Variants in MDGA2 observed in about 807,000 individuals in gnomAD.
The protein encoded by MDGA2 is MAM domain containing glycosylphosphatidylinositol anchor 2, also known as MAM domain-containing glycosylphosphatidylinositol anchor protein 2.
In MDGA2, 40 loss-of-function variants were observed where a neutral mutation model predicts 117.8. The observed-to-expected ratio is 0.34, with a 90% CI of 0.26 to 0.44. The LOEUF (loss-of-function observed/expected upper bound fraction) is 0.44, where lower values mean the gene tolerates loss of function less well. Ranked by LOEUF, MDGA2 falls within the 20% of genes least tolerant of loss-of-function variation. The pLI, the probability that MDGA2 is intolerant of heterozygous loss-of-function variation, is 1.00. For missense variants in MDGA2, 1,123 were observed against 1,250.6 expected, an observed-to-expected ratio of 0.90 and a Z score of 1.54; for synonymous variants, 452 against 439.0, an observed-to-expected ratio of 1.03 and a Z score of -0.37.
chr14:47,174,751 G>T (rs1437094885), intron 3 of MDGA2, among the ~76,000 whole-genome samples: 3 of 152,142 alleles, frequency 2.0e-5, no homozygotes, highest in South Asian at 2.1e-4. Context: ...AGAAAAGCAA[G>T]AGCAAACACA....
At position 46,896,782 on chromosome 14, in the gene MDGA2, A is replaced by T. The variant is rs369094795; in HGVS notation, c.2239-14561T>A. On this transcript the variant is annotated intron_variant, in intron 10 of 16. Transcript: ENST00000399232. ...GAAACACAATAACTTTCTCTTAATG[A>T]ATATATAGGACAATATGACAAGAAA... Among the ~76,000 whole-genome samples, 146 of 152,278 alleles carry T rather than the reference A, an allele frequency of 9.6e-4. 1 individual carries two copies. The South Asian group carries it at 0.021, about 22-fold the overall frequency.
At chr14:47,225,939 A>C (rs528091760) in intron 2 of MDGA2, among the ~76,000 whole-genome samples, 1 of 152,082 alleles carries the variant, frequency 6.6e-6, no homozygotes, top group Non-Finnish European at 1.5e-5. Flanking sequence ...ACTAAGATGC[A>C]ATTTAAAATA....
intron 14 of MDGA2, among the ~76,000 whole-genome samples, chr14:46,865,036 T>C (rs1437589335): frequency 6.6e-6 from 1 of 152,052 alleles, no homozygotes; most frequent in Non-Finnish European, 1.5e-5. Flanking sequence ...AATCCCAATA[T>C]GTGAGCTGAT....
intron 2 of MDGA2, among the ~76,000 whole-genome samples, chr14:47,286,848 T>C (rs1478250072): frequency 7.4e-6 from 1 of 135,458 alleles, no homozygotes; most frequent in Non-Finnish European, 1.6e-5. Flanking sequence ...TATATATATA[T>C]ATACTTTACT....
At position 47,674,386 on chromosome 14, in the gene MDGA2, T is replaced by A. The variant is rs1898135643; in HGVS notation, c.280+131A>T. 29 of 756,494 alleles carry A rather than the reference T, an allele frequency of 3.8e-5. No homozygotes were observed. In the South Asian group the frequency reaches 5.0e-4, roughly 13 times the overall value. The allele number at this position is 756,494 out of a possible 1,614,324, so 46.9% of individuals were successfully genotyped here. A position where few individuals can be genotyped will look rare whatever the true frequency, so the allele number is the denominator to read the frequency against. On this transcript the variant is annotated intron_variant, in intron 1 of 16. Coordinates refer to ENST00000399232, the MANE Select transcript of MDGA2 (RefSeq NM_001113498.3). ...CTCGCTGCCTCTTTATCGCTCCCAA[T>A]AACGTGATGAAGTGTAAATCAAATG...
intron 4 of MDGA2, among the ~76,000 whole-genome samples, chr14:47,138,726 A>C (rs1004000596): frequency 6.7e-6 from 1 of 149,636 alleles, no homozygotes; most frequent in Non-Finnish European, 1.5e-5. Flanking sequence ...CTTAGATATC[A>C]GTAAAAACTA....
Position 46,855,589 on chromosome 14 carries a change from T to C in MDGA2, c.2753-435A>G, listed in dbSNP as rs966629467. Among the ~76,000 whole-genome samples, 26 of 152,254 alleles carry C rather than the reference T, an allele frequency of 1.7e-4. No individual in the cohort carries two copies. Among genetic ancestry groups the C allele is most frequent in the African/African-American group, 6.0e-4 (25 of 41,574 alleles). On this transcript the variant is annotated intron_variant, in intron 14 of 16. Coordinates refer to ENST00000399232, the MANE Select transcript of MDGA2 (RefSeq NM_001113498.3). This position sits in a 1 kb window ranked among gnomAD's most constrained non-coding sequence, Gnocchi z 4.1. ...ACTACTGGCAGCTTCTTGAAGCTAG[T>C]AAAGGCAAAGGAAAGGGCTTCTTTC...
At chr14:47,038,234 A>G (rs1888928716) in intron 7 of MDGA2, among the ~76,000 whole-genome samples, 1 of 152,100 alleles carries the variant, frequency 6.6e-6, no homozygotes, top group East Asian at 1.9e-4. Flanking sequence ...GCTCAGCCTT[A>G]CCATTTTTGA....
intron 1 of MDGA2, among the ~76,000 whole-genome samples, chr14:47,596,689 T>C (rs1347602963): frequency 6.6e-6 from 1 of 152,188 alleles, no homozygotes; most frequent in Non-Finnish European, 1.5e-5. Flanking sequence ...ACTACCAATA[T>C]GATTAACAGC....
rs548826610 is a variant in MDGA2, at chr14:47,093,145, T to C, written c.1195+3709A>G. Among the ~76,000 whole-genome samples, 22 of 152,074 alleles carry C rather than the reference T, an allele frequency of 1.4e-4. No homozygotes were observed. The South Asian group carries it at 4.2e-3, about 29-fold the overall frequency. On this transcript the variant is annotated intron_variant, in intron 6 of 16. Transcript: ENST00000399232. ...AAAAGCCACCTGTGCTCCATCTCCCTTTCTTACTTCAGCTCTCCAGCCAAA... is the reference window on the plus strand; with the variant it reads ...AAAAGCCACCTGTGCTCCATCTCCCCTTCTTACTTCAGCTCTCCAGCCAAA...
chr14:47,076,560 A>G lies in MDGA2; in HGVS notation c.1196-14982T>C, dbSNP rs907440253. The stretch of plus-strand genomic sequence containing the variant: ...TGTGTGTTATGTATGAGTGTGTGTT[A>G]TGTGTGTGTGTGTGTGTGTGTGTGT... On this transcript the variant is annotated intron_variant, in intron 6 of 16. Transcript: ENST00000399232. Among the ~76,000 whole-genome samples the G allele has an allele frequency of 2.3e-3, 343 of 147,208 alleles. 1 individual carries two copies. The highest frequency in any genetic ancestry group is 7.9e-3 in the African/African-American group (313 of 39,492).
intron 1 of MDGA2, among the ~76,000 whole-genome samples, chr14:47,362,008 G>T (rs2138372657): frequency 6.6e-6 from 1 of 151,962 alleles, no homozygotes; most frequent in East Asian, 1.9e-4. Flanking sequence ...ATTATACTTT[G>T]CAAAATAGAA....
intron 1 of MDGA2, among the ~76,000 whole-genome samples, chr14:47,484,748 A>G (rs893464983): frequency 2.0e-5 from 3 of 152,162 alleles, no homozygotes; most frequent in African/African-American, 7.2e-5. Flanking sequence ...CTGTTCTCCT[A>G]ATAGTGAATG....
chr14:47,608,686 A>G (rs1418068019), intron 1 of MDGA2, among the ~76,000 whole-genome samples: 1 of 152,138 alleles, frequency 6.6e-6, no homozygotes, highest in African/African-American at 2.4e-5. Context: ...GAGTCACTGG[A>G]AAGTTCTAAG....
At chr14:47,566,700 CTGG>C (rs1017676948) in intron 1 of MDGA2, among the ~76,000 whole-genome samples, 2 of 152,040 alleles carry the variant, frequency 1.3e-5, no homozygotes, top group Non-Finnish European at 2.9e-5. Context: ...CCAGGAGTCA[CTGG>C]GGGCCAGGAA....
At chr14:47,242,139 C>A (rs1887062848) in intron 2 of MDGA2, among the ~76,000 whole-genome samples, 1 of 151,860 alleles carries the variant, frequency 6.6e-6, no homozygotes. Flanking sequence ...AATAATTGTT[C>A]ATACAGATTA....
rs35619816 is a variant in MDGA2, at chr14:46,869,351, C to CTTTT, written c.2752+4078_2752+4081dup. 1.3e-3 allele frequency among the ~76,000 whole-genome samples: 154 copies of CTTTT among 119,106 alleles called. 3 individuals are homozygous for CTTTT. Among genetic ancestry groups the CTTTT allele is most frequent in the African/African-American group, 4.4e-3 (145 of 33,090 alleles). 78.1% of individuals were successfully genotyped at this position (119,106 alleles called of 152,430 possible). On this transcript the variant is annotated intron_variant, in intron 14 of 16. Transcript: ENST00000399232. The stretch of plus-strand genomic sequence containing the variant: ...ATATCTAGTGATCTCCTATGAGATT[C>CTTTT]TTTTTTTTTTTTTTTTTTGCAAGAA...
chr14:47,645,767 C>G (rs1176066624), intron 1 of MDGA2, among the ~76,000 whole-genome samples: 1 of 151,428 alleles, frequency 6.6e-6, no homozygotes, highest in Non-Finnish European at 1.5e-5. Flanking sequence ...ACAATAACAC[C>G]CAATATTAAA....
chr14:47,491,772 C>T lies in MDGA2; in HGVS notation c.280+182745G>A, dbSNP rs373505011. Among the ~76,000 whole-genome samples, 14 of 150,072 alleles carry T rather than the reference C, an allele frequency of 9.3e-5. No homozygotes were observed. The East Asian group carries it at 1.0e-3, about 11-fold the overall frequency. On this transcript the variant is annotated intron_variant, in intron 1 of 16. Coordinates refer to ENST00000399232, the MANE Select transcript of MDGA2 (RefSeq NM_001113498.3). ...TTGGACAATTGTTATTTTACGTGTA[C>T]GCCACGGTAGTTATGTGACAAATCT... is the stretch of plus-strand genomic sequence containing the variant.
Sources: allele counts gnomAD v4.1 joint callset (sites outside exome capture counted in the v4.1 genomes callset), GRCh38; gene constraint gnomAD v4.1.1; non-coding constraint Gnocchi (gnomAD v3.1); transcripts MANE v1.5; gene names NCBI Gene and HGNC (gene_info 2026-07-23, HGNC 2026-07-21).